The following CD59 variants were observed in gnomAD, a reference collection of about 807,000 sequenced individuals.
The protein encoded by CD59 is CD59 glycoprotein.
Under a neutral mutation model 7.0 loss-of-function variants are expected in CD59, and 3 were observed. The observed-to-expected ratio is 0.43, with a 90% CI of 0.19 to 1.10. CD59 has a LOEUF of 1.10. Among genes scored for constraint, CD59 ranks in the 50% least tolerant of loss-of-function variants. The probability of loss-of-function intolerance (pLI) is 0.29; values close to 1 mark genes in which losing one functional copy is unlikely to be tolerated. For missense variants in CD59, 143 were observed against 151.0 expected, an observed-to-expected ratio of 0.95 and a Z score of 0.28; for synonymous variants, 60 against 62.0, an observed-to-expected ratio of 0.97 and a Z score of 0.15.
Position 33,722,483 on chromosome 11 carries a change from A to AG in CD59, c.-18-21dup. The AG allele has an allele frequency of 6.2e-7, 1 of 1,612,856 alleles. No individual in the cohort carries two copies. Among genetic ancestry groups the AG allele is most frequent in the Middle Eastern group, 1.6e-4 (1 of 6,062 alleles). ...CAGAACCTGGAAGGAAGGGACAGGA[A>AG]GGAATGTCAGGAACGAACAAATGAC... On this transcript the variant is annotated intron_variant, in intron 1 of 3. Transcript: ENST00000642928.
At chr11:33,729,567 A>T (rs1439753675) in intron 1 of CD59, among the ~76,000 whole-genome samples, 3 of 152,134 alleles carry the variant, frequency 2.0e-5, no homozygotes, top group Non-Finnish European at 2.9e-5. Flanking sequence ...CCTAATGTAA[A>T]CGACAAGTTG....
chr11:33,724,253 T>C (rs1246175990), intron 1 of CD59, among the ~76,000 whole-genome samples: 1 of 152,248 alleles, frequency 6.6e-6, no homozygotes, highest in African/African-American at 2.4e-5. Context: ...TCCCTTGGAA[T>C]GGTCCTTGAC....
chr11:33,735,227 G>A (rs1564980998), intron 1 of CD59, among the ~76,000 whole-genome samples: 1 of 152,192 alleles, frequency 6.6e-6, no homozygotes, highest in South Asian at 2.1e-4. Flanking sequence ...CTCAGGGATC[G>A]CAGGGTACCT....
rs1853385025 is a variant in CD59, at chr11:33,708,077, C to G, written c.*2049G>C. The G allele has an allele frequency of 6.6e-6, 1 of 152,264 alleles. No individual in the cohort carries two copies. The highest frequency in any genetic ancestry group is 2.4e-5 in the African/African-American group (1 of 41,440). The allele number at this position is 152,264 out of a possible 1,614,324, so 9.4% of individuals were successfully genotyped here. On this transcript the variant is annotated 3_prime_UTR_variant, in exon 4 of 4. Coordinates refer to ENST00000642928, the MANE Select transcript of CD59 (RefSeq NM_000611.6). ...TAATTTTCTATTGCCACAGCCCTCT[C>G]CAGCCAGGAGGGCCTGGAGTACCTG...
rs950466183 is a variant in CD59 at position 33,736,045 on chromosome 11, T to C, written c.-19+337A>G. 6.6e-6 allele frequency among the ~76,000 whole-genome samples: 1 copy of C among 152,106 alleles called. No homozygotes were observed. Among genetic ancestry groups the C allele is most frequent in the Non-Finnish European group, 1.5e-5 (1 of 68,000 alleles). On this transcript the variant is annotated intron_variant, in intron 1 of 3. Coordinates refer to ENST00000642928, the MANE Select transcript of CD59 (RefSeq NM_000611.6). This position sits in a 1 kb window ranked among gnomAD's most constrained non-coding sequence, Gnocchi z 4.4. Reference sequence around the variant, plus strand: ...CCCCGGCGCAGTTTCTCTGGACCGCTAGAGCTTCCCTTGAGACGAAAGCGA... The same window carrying C: ...CCCCGGCGCAGTTTCTCTGGACCGCCAGAGCTTCCCTTGAGACGAAAGCGA...
chr11:33,723,763 G>C (rs2096753957), intron 1 of CD59, among the ~76,000 whole-genome samples: 1 of 152,102 alleles, frequency 6.6e-6, no homozygotes, highest in Admixed American at 6.5e-5. Context: ...AGTAGGAAGG[G>C]TGATTTATAG....
rs1853403902 is a variant in CD59 at position 33,708,471 on chromosome 11, C to CA, written c.*1654dup. On this transcript the variant is annotated 3_prime_UTR_variant, in exon 4 of 4. Coordinates refer to ENST00000642928, the MANE Select transcript of CD59 (RefSeq NM_000611.6). ...GCTGAATTCCCCACCCCCCCGCCCC[C>CA]AAAAAAGTTCCCAGAAATTCATTTT... The CA allele has an allele frequency of 6.9e-6, 1 of 144,226 alleles. No individual in the cohort carries two copies. The highest frequency in any genetic ancestry group is 1.5e-5 in the Non-Finnish European group (1 of 66,030). 8.9% of individuals were successfully genotyped at this position (144,226 alleles called of 1,614,324 possible).
In CD59 at chr11:33,717,415, C is replaced by A. The variant is rs763958932; in HGVS notation, c.124G>T (p.Val42Phe). The A allele has an allele frequency of 1.2e-6, 2 of 1,613,582 alleles. No individual in the cohort carries two copies. Among genetic ancestry groups the A allele is most frequent in the South Asian group, 1.1e-5 (1 of 91,064 alleles). ...PNPTADCKTAVNCSSDFDACL... is the reference protein window; with the variant it reads ...PNPTADCKTAFNCSSDFDACL... Reference sequence around the variant, plus strand: ...GCATCAAAATCAGATGAACAATTGACGGCTGTTTTGCAGTCAGCAGTTGGG... The same window carrying A: ...GCATCAAAATCAGATGAACAATTGAAGGCTGTTTTGCAGTCAGCAGTTGGG... Residue 42 changes from valine to phenylalanine, a missense_variant, in exon 3 of 4, where the codon GTC (valine) becomes TTC (phenylalanine). Physicochemically the swap from Val to Phe is conservative, Grantham distance 50 (BLOSUM62 -1). Coordinates refer to ENST00000642928, the MANE Select transcript of CD59 (RefSeq NM_000611.6).
intron 1 of CD59, among the ~76,000 whole-genome samples, chr11:33,735,975 C>A (rs1854560708): frequency 6.6e-6 from 1 of 151,884 alleles, no homozygotes; most frequent in Non-Finnish European, 1.5e-5. Context: ...ATTTAGACCG[C>A]GAGGGGAGAG....
chr11:33,722,900 G>A (rs1172359704), intron 1 of CD59: 2 of 1,050,774 alleles, frequency 1.9e-6, no homozygotes, highest in African/African-American at 1.7e-5. Flanking sequence ...GGAACAGGGA[G>A]CAATGGCTTA....
At chr11:33,731,420 T>C (rs886289844) in intron 1 of CD59, 1 of 152,172 alleles carries the variant, frequency 6.6e-6, no homozygotes, top group Non-Finnish European at 1.5e-5. Flanking sequence ...ATCAGTATAC[T>C]TACTACTGTG....
intron 1 of CD59, among the ~76,000 whole-genome samples, chr11:33,725,693 T>G (rs1018052974): frequency 2.0e-5 from 3 of 152,104 alleles, no homozygotes; most frequent in Admixed American, 6.5e-5. Context: ...GTCAAGGGCA[T>G]ACAAACATTC....
chr11:33,709,830 C>G lies in CD59; in HGVS notation c.*296G>C. 1.9e-6 allele frequency: 1 copy of G among 524,662 alleles called. No homozygotes were observed. Among genetic ancestry groups the G allele is most frequent in the Non-Finnish European group, 3.4e-6 (1 of 291,144 alleles). The allele number at this position is 524,662 out of a possible 1,614,324, so 32.5% of individuals were successfully genotyped here. ...TAATCTGAGGGCTGCAGAGAACCCA[C>G]TCAAGCTGTCACTGCAAAGCTGGTC... On this transcript the variant is annotated 3_prime_UTR_variant, in exon 4 of 4. Transcript: ENST00000642928.
chr11:33,732,627 G>A (rs1854452815), intron 1 of CD59, among the ~76,000 whole-genome samples: 1 of 152,168 alleles, frequency 6.6e-6, no homozygotes, highest in South Asian at 2.1e-4. Flanking sequence ...AATATCAAGG[G>A]CCAGTTGCTA....
At chr11:33,719,667 A>C (rs1171440512) in intron 2 of CD59, 2 of 152,202 alleles carry the variant, frequency 1.3e-5, no homozygotes, top group African/African-American at 4.8e-5. Flanking sequence ...CTCCTCCCCA[A>C]CTTTTTTGCA....
intron 1 of CD59, among the ~76,000 whole-genome samples, chr11:33,730,806 G>A (rs919807349): frequency 6.6e-6 from 1 of 152,122 alleles, no homozygotes; most frequent in African/African-American, 2.4e-5. Flanking sequence ...TGCTGGCCAC[G>A]CTCCCAAGAA....
chr11:33,732,074 T>C (rs999226664), intron 1 of CD59, among the ~76,000 whole-genome samples: 1 of 152,214 alleles, frequency 6.6e-6, no homozygotes, highest in African/African-American at 2.4e-5. Flanking sequence ...CTGCTGCCAG[T>C]AAGACGTGCC....
In CD59 at chr11:33,710,322, C is replaced by T. The variant is rs1853487424; in HGVS notation, c.191G>A (p.Cys64Tyr). Residue 64 changes from cysteine (C) to tyrosine (Y), a missense_variant, in exon 4 of 4, where the codon TGT (cysteine) becomes TAT (tyrosine). Physicochemically the swap from Cys to Tyr is radical, Grantham distance 194. Transcript: ENST00000642928. The part of the protein sequence containing the change: ...TKAGLQVYNK[C>Y]WKFEHCNFND... The stretch of plus-strand genomic sequence containing the variant: ...GAAATTGCAATGCTCAAACTTCCAA[C>T]ACTTGTTATACACTTGTAACCCTGT... 1.2e-6 allele frequency: 2 copies of T among 1,613,998 alleles called. No homozygotes were observed. Among genetic ancestry groups the T allele is most frequent in the South Asian group, 2.2e-5 (2 of 91,092 alleles).
rs1229790989 is a variant in CD59, at chr11:33,707,419, A to C, written c.*2707T>G. 6.6e-6 allele frequency: 1 copy of C among 152,240 alleles called. No homozygotes were observed. Among genetic ancestry groups the C allele is most frequent in the African/African-American group, 2.4e-5 (1 of 41,450 alleles). 9.4% of individuals were successfully genotyped at this position (152,240 alleles called of 1,614,324 possible). A position where few individuals can be genotyped will look rare whatever the true frequency, so the allele number is the denominator to read the frequency against. ...CCTTGAAGCCCCCAGTACATTCAAGACCAAGTTTGGCAAATAGATTAGCAT... is the reference window on the plus strand; with the variant it reads ...CCTTGAAGCCCCCAGTACATTCAAGCCCAAGTTTGGCAAATAGATTAGCAT... On this transcript the variant is annotated 3_prime_UTR_variant, in exon 4 of 4. Transcript: ENST00000642928.
Sources: gnomAD v4.1 joint callset for allele counts (sites outside exome capture counted in the v4.1 genomes callset) on GRCh38, gnomAD v4.1.1 for gene constraint, Gnocchi (gnomAD v3.1) non-coding constraint, MANE v1.5 for transcripts, NCBI Gene and HGNC (gene_info 2026-07-23, HGNC 2026-07-21) for gene names.